The following MYH7B variants were observed in gnomAD, a reference collection of about 807,000 sequenced individuals.
MYH7B encodes the protein myosin-7B.
A neutral mutation model predicts 234.5 loss-of-function variants in MYH7B; 205 were observed. That is an observed-to-expected ratio of 0.87 (90% CI 0.78 to 0.98). MYH7B has a LOEUF of 0.98. Ranked by LOEUF, MYH7B falls within the 50% of genes least tolerant of loss-of-function variation. MYH7B has a pLI of 0.00. For missense variants in MYH7B, 2,652 were observed against 2,633.4 expected (o/e 1.01, Z -0.15); for synonymous variants, 1,193 against 1,105.0 (o/e 1.08, Z -1.58).
intron 15 of MYH7B, 22 bp from the exon 16 acceptor site, chr20:34,987,127 C>T (rs776191996): frequency 2.5e-5 from 40 of 1,612,750 alleles, no homozygotes; most frequent in Non-Finnish European, 3.1e-5. Context: ...TCTCTGAACT[C>T]GCTTTCCCTG....
At chr20:34,982,809 A>C (rs2147181759) in intron 10 of MYH7B, among the ~76,000 whole-genome samples, 1 of 152,158 alleles carries the variant, frequency 6.6e-6, no homozygotes, top group South Asian at 2.1e-4. Context: ...TGCCGTTTCT[A>C]AATTTGTGTA....
intron 26 of MYH7B, 32 bp downstream of exon 26, chr20:34,993,502 G>A: frequency 1.3e-6 from 2 of 1,528,048 alleles, no homozygotes; most frequent in Non-Finnish European, 1.7e-6. Context: ...GGGACAGGGT[G>A]TGTCCCCTGC....
chr20:34,976,245 T>G (rs1369592914), intron 3 of MYH7B, among the ~76,000 whole-genome samples: 2 of 152,226 alleles, frequency 1.3e-5, no homozygotes, highest in African/African-American at 4.8e-5. Flanking sequence ...TTGCCTGTTT[T>G]GAATGTAGAT....
rs777247971 is a variant in MYH7B, at chr20:35,000,452, G to C, written c.4941G>C (p.Gln1647His). The change falls in exon 39 of 45, where the codon CAG becomes CAC. Residue 1647 changes from glutamine to histidine, a missense_variant. Physicochemically the swap from Gln to His is conservative, Grantham distance 24 (BLOSUM62 0). Coordinates refer to ENST00000262873, the Ensembl canonical transcript of MYH7B. The stretch of plus-strand genomic sequence containing the variant: ...CCACCCGTCAGGCCACAGAGGCCCA[G>C]GCTGCCACGCGGCTGATGCAGGCAC... 7 of 1,601,990 alleles carry C rather than the reference G, an allele frequency of 4.4e-6. No individual in the cohort carries two copies. The Admixed American group carries it at 1.2e-4, about 27-fold the overall frequency.
chr20:34,979,988 A>C (rs1349639960), intron 7 of MYH7B, 184 bp downstream of exon 7: 4 of 212,530 alleles, frequency 1.9e-5, no homozygotes, highest in Middle Eastern at 1.3e-3. Flanking sequence ...GGCTCTGAGC[A>C]GTGGGGGCGG....
intron 14 of MYH7B, 119 bp from the exon 15 acceptor site, chr20:34,986,767 G>C: frequency 2.6e-6 from 2 of 756,452 alleles, no homozygotes; most frequent in Non-Finnish European, 4.5e-6. Context: ...GAGGTCCTCT[G>C]GGAGGGCCCT....
chr20:34,973,381 A>C (rs898866052), intron 2 of MYH7B, among the ~76,000 whole-genome samples: 4 of 152,236 alleles, frequency 2.6e-5, no homozygotes, highest in African/African-American at 9.6e-5. Context: ...TCCCAGCTGT[A>C]GAAGCATTAT....
chr20:34,981,321 G>GGGCC (rs2081938090), intron 9 of MYH7B: 1 of 444,370 alleles, frequency 2.3e-6, no homozygotes, highest in African/African-American at 2.1e-5. Context: ...CCTCTCCCCG[G>GGGCC]GGCCTGGAAT....
intron 6 of MYH7B, 81 bp downstream of exon 6, chr20:34,979,577 G>C: frequency 6.2e-7 from 1 of 1,603,472 alleles, no homozygotes; most frequent in Middle Eastern, 1.7e-4. Flanking sequence ...GGTTGAAGGG[G>C]GTCTGGGTAT....
At chr20:34,968,580 C>T (rs57513710) in intron 2 of MYH7B, among the ~76,000 whole-genome samples, 7,037 of 152,300 alleles carry the variant, frequency 0.046, 551 homozygotes, top group African/African-American at 0.16. Flanking sequence ...CCCTTACACT[C>T]GGCTAAGCCT....
intron 7 of MYH7B, 98 bp from the exon 8 acceptor site, chr20:34,980,480 G>A (rs2081924824): frequency 1.8e-6 from 2 of 1,126,530 alleles, no homozygotes; most frequent in African/African-American, 1.5e-5. Flanking sequence ...GGAGGTTGCG[G>A]TGAGCCGAGA....
chr20:34,987,563 A>T (rs757249023), exon 17 of MYH7B: 21 of 1,612,400 alleles, frequency 1.3e-5, no homozygotes, highest in Non-Finnish European at 1.7e-5. Flanking sequence ...CCAGGTGCTG[A>T]CAAGGCTGCC....
At chr20:34,997,042 G>A (rs1244748046) in intron 30 of MYH7B, 41 bp from the exon 31 acceptor site, 10 of 1,468,088 alleles carry the variant, frequency 6.8e-6, no homozygotes, top group South Asian at 5.0e-5. Context: ...GGGTGGGTGG[G>A]AGTTAAGGCC....
In MYH7B at chr20:34,987,625, C is replaced by CG. The variant is rs1409170814; in HGVS notation, c.1219dup (p.Val407GlyfsTer30). 6.2e-7 allele frequency: 1 copy of CG among 1,613,980 alleles called. No individual in the cohort carries two copies. The highest frequency in any genetic ancestry group is 1.3e-5 in the African/African-American group (1 of 74,934). On this transcript the variant is annotated frameshift_variant, in exon 17 of 45. Coordinates refer to ENST00000262873, the Ensembl canonical transcript of MYH7B. LOFTEE classifies it high-confidence loss of function. The stretch of plus-strand genomic sequence containing the variant: ...CCTCCTCAAAGGCCTTTTGCACCCC[C>CG]GGGTGCGTGTAGGGAACGAGTACGT...
chr20:34,965,969 A>T (rs1011986636), intron 2 of MYH7B, among the ~76,000 whole-genome samples: 2 of 152,180 alleles, frequency 1.3e-5, no homozygotes, highest in African/African-American at 4.8e-5. Context: ...GTCTATAGCC[A>T]ACATGTTTAA....
exon 4 of MYH7B, chr20:34,977,644 G>A (rs1237822490): frequency 5.7e-6 from 9 of 1,582,122 alleles, no homozygotes; most frequent in Non-Finnish European, 7.7e-6. Flanking sequence ...GCAATAAAAG[G>A]GGTAGCAGAG....
chr20:34,967,333 C>G (rs2081752111), intron 2 of MYH7B, among the ~76,000 whole-genome samples: 1 of 152,150 alleles, frequency 6.6e-6, no homozygotes, highest in Admixed American at 6.6e-5. Flanking sequence ...GAAGGCTCTG[C>G]TCAAGGAGGT....
chr20:34,986,246 C>T, intron 14 of MYH7B, 48 bp downstream of exon 14: 10 of 1,454,692 alleles, frequency 6.9e-6, no homozygotes, highest in Non-Finnish European at 8.5e-6. Flanking sequence ...CCTGGAGGGG[C>T]TGCCTGGCGC....
At chr20:34,971,611 G>C (rs1051205445) in intron 2 of MYH7B, among the ~76,000 whole-genome samples, 2 of 152,114 alleles carry the variant, frequency 1.3e-5, no homozygotes, top group African/African-American at 4.8e-5. Flanking sequence ...CCAGGGTCGT[G>C]GGCCCCTTTC....
Sources: gnomAD v4.1 joint callset for allele counts (sites outside exome capture counted in the v4.1 genomes callset) on GRCh38, gnomAD v4.1.1 for gene constraint, MANE v1.5 for transcripts, NCBI Gene and HGNC (gene_info 2026-07-23, HGNC 2026-07-21) for gene names.